Variants in MYH10 observed in about 807,000 individuals in gnomAD.
The protein encoded by MYH10 is myosin-10.
In MYH10, 55 loss-of-function variants were observed where a neutral mutation model predicts 257.8. The observed-to-expected ratio is 0.21, with a 90% CI of 0.17 to 0.27. The LOEUF is 0.27. Ranked by LOEUF, MYH10 falls within the 10% of genes least tolerant of loss-of-function variation. The probability of loss-of-function intolerance (pLI) is 1.00; values close to 1 mark genes in which losing one functional copy is unlikely to be tolerated. For synonymous variants in MYH10, 854 were observed against 921.7 expected (o/e 0.93, Z 1.33); for missense variants, 1,631 against 2,500.6 (o/e 0.65, Z 7.42).
At chr17:8,543,463 G>C (rs1259208294) in intron 13 of MYH10, among the ~76,000 whole-genome samples, 1 of 146,232 alleles carries the variant, frequency 6.8e-6, no homozygotes, top group Non-Finnish European at 1.5e-5. Context: ...TATTTAGCCT[G>C]GGCCATTACA....
intron 4 of MYH10, among the ~76,000 whole-genome samples, chr17:8,577,682 C>A (rs1330088899): frequency 2.0e-5 from 3 of 152,196 alleles, no homozygotes; most frequent in Non-Finnish European, 4.4e-5. Context: ...CATGCACACA[C>A]CACCATGCCC....
At chr17:8,520,602 G>A (rs935457618) in intron 19 of MYH10, among the ~76,000 whole-genome samples, 1 of 152,162 alleles carries the variant, frequency 6.6e-6, no homozygotes, top group Non-Finnish European at 1.5e-5. Context: ...TTATCTCAAA[G>A]CTAACTTCAG....
chr17:8,562,435 A>G (rs1893142794), intron 7 of MYH10, among the ~76,000 whole-genome samples: 1 of 152,270 alleles, frequency 6.6e-6, no homozygotes, highest in Non-Finnish European at 1.5e-5. Flanking sequence ...TTCAGAATTA[A>G]CATTTTTATT....
In MYH10 at chr17:8,476,740, TAAATG is replaced by T. The variant is rs1363326553; in HGVS notation, c.5879+131_5879+135del. 16 of 1,019,414 alleles carry T rather than the reference TAAATG, an allele frequency of 1.6e-5. No homozygotes were observed. In the South Asian group the frequency reaches 1.8e-4, roughly 12 times the overall value. The allele number at this position is 1,019,414 out of a possible 1,614,324, so 63.1% of individuals were successfully genotyped here. A position where few individuals can be genotyped will look rare whatever the true frequency, so the allele number is the denominator to read the frequency against. Reference sequence around the variant, plus strand: ...GGACGACTATAAAGGTCAGAAATCTTAAATGAAGTGGTTCGGGAGAAAGAATGGGT... The same window carrying T: ...GGACGACTATAAAGGTCAGAAATCTTAAGTGGTTCGGGAGAAAGAATGGGT... On this transcript the variant is annotated intron_variant, in intron 42 of 42. Coordinates refer to ENST00000360416, the MANE Select transcript of MYH10 (RefSeq NM_001256012.3).
At chr17:8,542,467 C>G (rs897667038) in intron 13 of MYH10, among the ~76,000 whole-genome samples, 187 bp from the exon 14 acceptor site, 3 of 152,190 alleles carry the variant, frequency 2.0e-5, no homozygotes, top group South Asian at 2.1e-4. Context: ...CTCTCACACA[C>G]AGCCTTTTTG....
intron 37 of MYH10, 82 bp from the exon 38 acceptor site, chr17:8,481,492 G>A (rs532933004): frequency 4.0e-6 from 5 of 1,243,216 alleles, no homozygotes; most frequent in East Asian, 4.9e-5. Flanking sequence ...GAGCTACAGC[G>A]ACCTTGCTCC....
intron 36 of MYH10, among the ~76,000 whole-genome samples, chr17:8,485,973 CAGTAG>C (rs1380092671): frequency 6.6e-6 from 1 of 152,212 alleles, no homozygotes; most frequent in Non-Finnish European, 1.5e-5. Context: ...TGTATCCACA[CAGTAG>C]AGTGTTACTC....
chr17:8,521,326 C>T (rs558924155), intron 17 of MYH10, 41 bp from the exon 18 acceptor site: 4 of 1,584,186 alleles, frequency 2.5e-6, no homozygotes, highest in East Asian at 4.5e-5. Flanking sequence ...AGCCAAACCT[C>T]ACTCGTTAGC....
chr17:8,482,829 C>T (rs1367107982), intron 37 of MYH10, among the ~76,000 whole-genome samples: 2 of 152,238 alleles, frequency 1.3e-5, no homozygotes, highest in African/African-American at 4.8e-5. Context: ...CCCAGGAGCG[C>T]TCTCTAGGAG....
intron 4 of MYH10, among the ~76,000 whole-genome samples, chr17:8,579,123 C>A (rs1240383499): frequency 6.6e-6 from 1 of 151,850 alleles, no homozygotes; most frequent in African/African-American, 2.4e-5. Flanking sequence ...AAAAAAAACA[C>A]AACAAATCAG....
At chr17:8,501,827 A>G (rs569367516) in intron 28 of MYH10, among the ~76,000 whole-genome samples, 61 of 152,344 alleles carry the variant, frequency 4.0e-4, no homozygotes, top group African/African-American at 1.4e-3. Flanking sequence ...TTAGCATTAA[A>G]TATCTTTCCA....
chr17:8,611,310 T>A (rs1284695160), intron 2 of MYH10, among the ~76,000 whole-genome samples: 1 of 152,178 alleles, frequency 6.6e-6, no homozygotes, highest in East Asian at 1.9e-4. Context: ...AAAGCAAAAC[T>A]CTAGAATAAG....
At chr17:8,565,593 C>T (rs937384892) in intron 7 of MYH10, among the ~76,000 whole-genome samples, 3 of 152,296 alleles carry the variant, frequency 2.0e-5, no homozygotes, top group South Asian at 4.1e-4. Context: ...TTGAAAGCTA[C>T]GTCTAAGAAC....
chr17:8,572,708 A>C (rs2083388872), intron 6 of MYH10, among the ~76,000 whole-genome samples: 1 of 151,632 alleles, frequency 6.6e-6, no homozygotes, highest in South Asian at 2.1e-4. Context: ...GGACTCAGGC[A>C]CTCCTCCGTC....
intron 6 of MYH10, among the ~76,000 whole-genome samples, chr17:8,574,877 T>C (rs992174372): frequency 2.6e-5 from 4 of 152,258 alleles, no homozygotes; most frequent in Non-Finnish European, 5.9e-5. Context: ...AGTAACTTCT[T>C]GAATGGTACC....
rs1393758670 is a variant in MYH10 at position 8,513,973 on chromosome 17, G to A, written c.2505-79C>T. On this transcript the variant is annotated intron_variant, in intron 21 of 42. Transcript: ENST00000360416. ...TGTTGTCATAAGAAGCCTTTCTAAA[G>A]GCCCGTGTTCTTCTTTGTCTAGGAT... 4.1e-6 allele frequency: 5 copies of A among 1,210,718 alleles called. No individual in the cohort carries two copies. In the Admixed American group the frequency reaches 1.0e-4, roughly 25 times the overall value. The allele number at this position is 1,210,718 out of a possible 1,614,324, so 75.0% of individuals were successfully genotyped here.
intron 2 of MYH10, among the ~76,000 whole-genome samples, chr17:8,619,057 G>C (rs908056620): frequency 6.6e-6 from 1 of 152,096 alleles, no homozygotes; most frequent in African/African-American, 2.4e-5. Context: ...AGCAAGTTTA[G>C]CTTGCAACTC....
chr17:8,589,939 G>A (rs1005440076), intron 3 of MYH10, among the ~76,000 whole-genome samples: 1 of 152,128 alleles, frequency 6.6e-6, no homozygotes, highest in Non-Finnish European at 1.5e-5. Context: ...CAAGTGACAC[G>A]GCTACGAAGG....
At chr17:8,544,104 G>A (rs1016729369) in intron 13 of MYH10, among the ~76,000 whole-genome samples, 5 of 152,108 alleles carry the variant, frequency 3.3e-5, no homozygotes, top group Non-Finnish European at 5.9e-5. Flanking sequence ...TGGATGCATA[G>A]TATTCCACTG....
Sources: gnomAD v4.1 joint callset for allele counts (sites outside exome capture counted in the v4.1 genomes callset) on GRCh38, gnomAD v4.1.1 for gene constraint, MANE v1.5 for transcripts, NCBI Gene and HGNC (gene_info 2026-07-23, HGNC 2026-07-21) for gene names.